The following MGAM variants were observed in gnomAD, a reference collection of about 807,000 sequenced individuals.
MGAM encodes alpha-1,4-glucosidase.
MGAM carries 253 observed loss-of-function variants against 358.8 expected under a neutral mutation model. The observed-to-expected ratio is 0.71, with a 90% confidence interval of 0.64 to 0.78. MGAM has a LOEUF of 0.78. Among genes scored for constraint, MGAM ranks in the 30% least tolerant of loss-of-function variants. The pLI is 0.00. For synonymous variants in MGAM, 1,105 were observed against 1,227.1 expected (o/e 0.90, Z 2.08); for missense variants, 3,080 against 3,432.6 (o/e 0.90, Z 2.57).
rs112629278 is a variant in MGAM, at chr7:142,066,598, C to T, written c.4796C>T (p.Ala1599Val). The change falls in exon 41 of 71, where the codon GCT (alanine) becomes GTT (valine). Residue 1599 changes from alanine (A) to valine (V), a missense_variant. Ala to Val is a moderately conservative substitution (Grantham distance 64, BLOSUM62 0). Transcript: ENST00000475668. ...AGACAAGACCCTGTGTCCTGGGATG[C>T]TGCTTTTGTGAATATTTCCAGAAAT... is the stretch of plus-strand genomic sequence containing the variant. Reference protein sequence around the residue: ...TRRQDPVSWDAAFVNISRNVL... With the variant: ...TRRQDPVSWDVAFVNISRNVL... 6,338 of 1,553,392 alleles carry T rather than the reference C, an allele frequency of 4.1e-3. 453 individuals carry two copies. The African/African-American group carries it at 0.073, about 18-fold the overall frequency.
chr7:142,056,504 T>G (rs973224215), intron 29 of MGAM, among the ~76,000 whole-genome samples: 8 of 152,292 alleles, frequency 5.3e-5, no homozygotes, highest in African/African-American at 1.9e-4. Context: ...ATCCATACCC[T>G]AAACCTCAGC....
intron 22 of MGAM, among the ~76,000 whole-genome samples, chr7:142,048,520 T>TTTTTTTTTTTTTTTTTTTTTTTTTTTTG (rs1563163870): frequency 3.7e-4 from 56 of 151,452 alleles, no homozygotes; most frequent in Non-Finnish European, 5.0e-4. Context: ...AACCCAATGT[T>TTTTTTTTTTTTTTTTTTTTTTTTTTTTG]AATGTCTTCC....
intron 7 of MGAM, among the ~76,000 whole-genome samples, 169 bp downstream of exon 7, chr7:142,022,608 CT>C (rs1806569536): frequency 6.6e-6 from 1 of 152,126 alleles, no homozygotes; most frequent in South Asian, 2.1e-4. Context: ...TGTTACCTAC[CT>C]CTCTGTCTTC....
chr7:142,007,246 T>C (rs568528302), intron 2 of MGAM, among the ~76,000 whole-genome samples: 1 of 152,284 alleles, frequency 6.6e-6, no homozygotes, highest in South Asian at 2.1e-4. Flanking sequence ...TTTTTCATAA[T>C]ACATATTTTT....
At chr7:142,047,338 T>C (rs62477570) in intron 21 of MGAM, among the ~76,000 whole-genome samples, 24,804 of 152,186 alleles carry the variant, frequency 0.16, 2,231 homozygotes, top group Middle Eastern at 0.28. Context: ...CCTTATTATA[T>C]GTTGTTGCTT....
At chr7:142,053,164 A>G (rs1190461202) in intron 26 of MGAM, among the ~76,000 whole-genome samples, 180 bp downstream of exon 26, 7 of 152,144 alleles carry the variant, frequency 4.6e-5, no homozygotes. Context: ...TTTCATTTGG[A>G]AAAGATTACT....
At chr7:142,088,725 C>A (rs540747252) in intron 57 of MGAM, among the ~76,000 whole-genome samples, 19 of 91,900 alleles carry the variant, frequency 2.1e-4, no homozygotes, top group Non-Finnish European at 3.8e-4. Flanking sequence ...TCATTTATGT[C>A]TGTCTGTCTG....
At position 142,104,710 on chromosome 7, in the gene MGAM, G is replaced by C. The variant is rs560574618; in HGVS notation, c.8185-1104G>C. 1.2e-4 allele frequency among the ~76,000 whole-genome samples: 19 copies of C among 152,192 alleles called. 1 individual carries two copies. In the East Asian group the frequency reaches 3.7e-3, roughly 29 times the overall value. Reference sequence around the variant, plus strand: ...CAATAACAATTATGCCATGAGTGCTGCTTGGCTCACAGTAATTCTATGGTT... The same window carrying C: ...CAATAACAATTATGCCATGAGTGCTCCTTGGCTCACAGTAATTCTATGGTT... On this transcript the variant is annotated intron_variant, in intron 70 of 70. Transcript: ENST00000475668.
At chr7:142,100,981 A>T in intron 68 of MGAM, 91 bp downstream of exon 68, 1 of 1,156,888 alleles carries the variant, frequency 8.6e-7, no homozygotes, top group Non-Finnish European at 1.2e-6. Context: ...TCCCTATTAT[A>T]ACAATTTTGC....
chr7:142,054,816 A>G lies in MGAM; in HGVS notation c.3222A>G (p.Pro1074=), dbSNP rs1407057115. ...TCCCTCTGAACATACCCAGCATGCC[A>G]TCCAGCACCCCTGAGGGTCAACTCT... is the stretch of plus-strand genomic sequence containing the variant. ...VPVPLNIPSM[P]SSTPEGQLYD... The change falls in exon 27 of 71, where the codon CCA becomes CCG. Residue 1074 remains proline, a synonymous_variant. Coordinates refer to ENST00000475668, the MANE Select transcript of MGAM (RefSeq NM_001365693.1). The G allele has an allele frequency of 1.2e-6, 2 of 1,614,000 alleles. No homozygotes were observed. The highest frequency in any genetic ancestry group is 1.7e-6 in the Non-Finnish European group (2 of 1,179,870).
chr7:142,073,065 A>G (rs777299426), intron 44 of MGAM, among the ~76,000 whole-genome samples: 1 of 146,286 alleles, frequency 6.8e-6, no homozygotes, highest in Non-Finnish European at 1.5e-5. Context: ...AAGTCTCCAG[A>G]AGAATATACA....
At chr7:142,062,821 T>G in intron 35 of MGAM, 119 bp downstream of exon 35, 3 of 1,500,516 alleles carry the variant, frequency 2.0e-6, no homozygotes, top group East Asian at 2.3e-5. Flanking sequence ...ACTTTGGACA[T>G]AGCAGACACT....
At chr7:142,031,656 A>C (rs534333043) in intron 12 of MGAM, 24 bp from the exon 13 acceptor site, 1 of 1,468,232 alleles carries the variant, frequency 6.8e-7, no homozygotes, top group Non-Finnish European at 9.5e-7. Context: ...TACTCTTACC[A>C]GTGTTTTTCT....
At chr7:142,001,162 A>G (rs1804702125) in intron 1 of MGAM, among the ~76,000 whole-genome samples, 1 of 152,246 alleles carries the variant, frequency 6.6e-6, no homozygotes, top group Non-Finnish European at 1.5e-5. Context: ...AATGTGAGAT[A>G]GTGGTGACAG....
chr7:141,987,481 C>G (rs770636483), intron 2 of MGAM, among the ~76,000 whole-genome samples: 3 of 152,160 alleles, frequency 2.0e-5, no homozygotes, highest in Non-Finnish European at 2.9e-5. Flanking sequence ...GCGAATCCAT[C>G]TGGACGAAGT....
At chr7:142,044,465 A>T (rs1360144034) in intron 21 of MGAM, among the ~76,000 whole-genome samples, 1 of 136,484 alleles carries the variant, frequency 7.3e-6, no homozygotes, top group Non-Finnish European at 1.5e-5. Flanking sequence ...CACATACGAT[A>T]TATGATATAT....
At chr7:142,103,125 A>T in intron 69 of MGAM, 144 bp from the exon 70 acceptor site, 1 of 744,844 alleles carries the variant, frequency 1.3e-6, no homozygotes, top group Non-Finnish European at 2.1e-6. Context: ...AGAGTGATGA[A>T]ATCATGATTT....
At position 142,059,907 on chromosome 7, in the gene MGAM, G is replaced by A. The variant is rs1212270440; in HGVS notation, c.4000G>A (p.Gly1334Ser). 2.5e-6 allele frequency: 4 copies of A among 1,611,430 alleles called. No individual in the cohort carries two copies. The highest frequency in any genetic ancestry group is 3.4e-5 in the Admixed American group (2 of 59,674). Residue 1334 changes from glycine to serine, a missense_variant, in exon 33 of 71, where the codon GGC becomes AGC. Physicochemically the swap from Gly to Ser is moderately conservative, Grantham distance 56 (BLOSUM62 0). This residue lies in a region of MGAM where 1,816 missense variants were observed against 1,840.5 expected (regional missense o/e 0.99). Coordinates refer to ENST00000475668, the MANE Select transcript of MGAM (RefSeq NM_001365693.1). Reference sequence around the variant, plus strand: ...ACAGCCTTATCCTGCCTTCACTCGGGGCGTGGAGGATGACGTCTTCATCAA... The same window carrying A: ...ACAGCCTTATCCTGCCTTCACTCGGAGCGTGGAGGATGACGTCTTCATCAA... Reference protein sequence around the residue: ...ETQPYPAFTRGVEDDVFIKYP... With the variant: ...ETQPYPAFTRSVEDDVFIKYP...
chr7:142,013,485 G>A (rs1391921916), intron 3 of MGAM, among the ~76,000 whole-genome samples: 3 of 152,012 alleles, frequency 2.0e-5, no homozygotes, highest in African/African-American at 7.3e-5. Flanking sequence ...TAGATCTGCT[G>A]TTTCCTAATG....
Sources: allele counts gnomAD v4.1 joint callset (sites outside exome capture counted in the v4.1 genomes callset), GRCh38; gene constraint gnomAD v4.1.1; regional missense constraint gnomAD v4.1.1; transcripts MANE v1.5; gene names NCBI Gene and HGNC (gene_info 2026-07-23, HGNC 2026-07-21).